Variants in SPAG16 observed in about 807,000 individuals in gnomAD.
SPAG16 encodes the protein sperm-associated antigen 16 protein.
Under a neutral mutation model 80.4 loss-of-function variants are expected in SPAG16, and 86 were observed. That is an observed-to-expected ratio of 1.07 (90% CI 0.90 to 1.28). SPAG16 has a LOEUF of 1.28. Among genes scored for constraint, SPAG16 ranks in the 50% most tolerant of loss-of-function variants. The pLI, the probability that SPAG16 is intolerant of heterozygous loss-of-function variation, is 0.00. For synonymous variants in SPAG16, 294 were observed against 265.9 expected (o/e 1.11, Z -1.03); for missense variants, 870 against 765.3 (o/e 1.14, Z -1.61).
intron 14 of SPAG16, among the ~76,000 whole-genome samples, chr2:214,132,460 C>T (rs141655094): frequency 6.6e-6 from 1 of 152,176 alleles, no homozygotes; most frequent in East Asian, 1.9e-4. Flanking sequence ...TACTCAGTAG[C>T]CACATGTATT....
intron 9 of SPAG16, among the ~76,000 whole-genome samples, chr2:213,432,729 G>C (rs1040695590): frequency 6.6e-6 from 1 of 152,056 alleles, no homozygotes; most frequent in African/African-American, 2.4e-5. Flanking sequence ...GAGGTGGTGG[G>C]AATCTTTCAT....
intron 10 of SPAG16, among the ~76,000 whole-genome samples, chr2:213,848,531 C>T (rs774404121): frequency 2.6e-5 from 4 of 152,144 alleles, no homozygotes; most frequent in Admixed American, 1.3e-4. Context: ...CTGAATTGGC[C>T]GCCCAATCCT....
intron 10 of SPAG16, among the ~76,000 whole-genome samples, chr2:213,615,655 A>G (rs187441278): frequency 6.6e-6 from 1 of 152,336 alleles, no homozygotes; most frequent in East Asian, 1.9e-4. Context: ...TGTAGACATG[A>G]CAATGTATTA....
intron 13 of SPAG16, among the ~76,000 whole-genome samples, chr2:214,077,689 G>A (rs2051148150): frequency 6.6e-6 from 1 of 152,150 alleles, no homozygotes; most frequent in African/African-American, 2.4e-5. Flanking sequence ...ATGGAATCAG[G>A]CACATTGTGC....
At position 214,136,827 on chromosome 2, in the gene SPAG16, T is replaced by C. The variant is rs190279915; in HGVS notation, c.1594-12313T>C. ...CCTAAGAGACATGCTAATGTATCAGTACTAAAAATGTTTGAAATACTAATT... is the reference window on the plus strand; with the variant it reads ...CCTAAGAGACATGCTAATGTATCAGCACTAAAAATGTTTGAAATACTAATT... On this transcript the variant is annotated intron_variant, in intron 14 of 15. Coordinates refer to ENST00000331683, the MANE Select transcript of SPAG16 (RefSeq NM_024532.5). 2.8e-4 allele frequency among the ~76,000 whole-genome samples: 42 copies of C among 152,332 alleles called. 1 individual carries two copies. Among genetic ancestry groups the C allele is most frequent in the African/African-American group, 9.6e-4 (40 of 41,578 alleles).
At chr2:213,421,409 C>T (rs1186863014) in intron 9 of SPAG16, among the ~76,000 whole-genome samples, 1 of 152,214 alleles carries the variant, frequency 6.6e-6, no homozygotes. Flanking sequence ...TGGCTCAGCT[C>T]AGGTCTGCAG....
intron 13 of SPAG16, among the ~76,000 whole-genome samples, chr2:214,062,607 C>T (rs549386735): frequency 3.9e-4 from 59 of 151,220 alleles, no homozygotes; most frequent in Non-Finnish European, 7.4e-4. Flanking sequence ...CTCTCCAGTT[C>T]CACATCTAAT....
At chr2:214,126,566 G>A (rs944438578) in intron 14 of SPAG16, among the ~76,000 whole-genome samples, 21 of 151,640 alleles carry the variant, frequency 1.4e-4, no homozygotes, top group Admixed American at 1.3e-4. Flanking sequence ...GAATTTATGT[G>A]ACTGTACTTA....
chr2:213,422,106 G>A, intron 9 of SPAG16: 3 of 680,646 alleles, frequency 4.4e-6, no homozygotes, highest in Admixed American at 2.1e-5. Context: ...CCCAAACAGG[G>A]CTGAAATGAC....
intron 11 of SPAG16, among the ~76,000 whole-genome samples, chr2:213,887,971 G>T (rs2076626473): frequency 6.6e-6 from 1 of 151,546 alleles, no homozygotes; most frequent in Non-Finnish European, 1.5e-5. Flanking sequence ...CTTTTAGAAA[G>T]ATAGAGTTAT....
chr2:213,921,223 A>G (rs1575557119), intron 11 of SPAG16, among the ~76,000 whole-genome samples: 1 of 152,180 alleles, frequency 6.6e-6, no homozygotes, highest in Non-Finnish European at 1.5e-5. Flanking sequence ...CTTCTACTTA[A>G]TCAGGTCTTC....
intron 13 of SPAG16, among the ~76,000 whole-genome samples, chr2:214,015,729 A>G (rs1476923850): frequency 6.6e-6 from 1 of 152,060 alleles, no homozygotes; most frequent in Non-Finnish European, 1.5e-5. Flanking sequence ...CCTGGCTGAG[A>G]GCTCAGTTTT....
At chr2:213,680,241 C>T (rs2064309671) in intron 10 of SPAG16, among the ~76,000 whole-genome samples, 1 of 152,112 alleles carries the variant, frequency 6.6e-6, no homozygotes, top group Non-Finnish European at 1.5e-5. Flanking sequence ...AAGAACTCCA[C>T]CTAGTCCCTT....
intron 9 of SPAG16, among the ~76,000 whole-genome samples, chr2:213,438,898 A>G (rs1323985474): frequency 1.3e-5 from 2 of 152,238 alleles, no homozygotes; most frequent in Admixed American, 6.5e-5. Context: ...GTAAACATTT[A>G]TATTGTTAAC....
chr2:214,349,868 GTATC>G (rs1235458046), intron 15 of SPAG16, among the ~76,000 whole-genome samples: 2 of 152,140 alleles, frequency 1.3e-5, no homozygotes, highest in African/African-American at 4.8e-5. Flanking sequence ...GAGCATTTGT[GTATC>G]TATCTTTATG....
At chr2:214,196,257 C>T (rs1466296126) in intron 15 of SPAG16, among the ~76,000 whole-genome samples, 5 of 151,958 alleles carry the variant, frequency 3.3e-5, no homozygotes, top group African/African-American at 4.8e-5. Flanking sequence ...ACTTCTCTAC[C>T]GTTTTCTCCC....
chr2:214,372,201 T>G (rs570948226), intron 15 of SPAG16, among the ~76,000 whole-genome samples: 1 of 152,246 alleles, frequency 6.6e-6, no homozygotes, highest in East Asian at 1.9e-4. Context: ...TATACAAAGG[T>G]GATTAGGGAC....
At chr2:213,704,592 A>C (rs1338732258) in intron 10 of SPAG16, among the ~76,000 whole-genome samples, 1 of 152,182 alleles carries the variant, frequency 6.6e-6, no homozygotes, top group East Asian at 1.9e-4. Flanking sequence ...ATGATTACTT[A>C]TTCATTTTCA....
At chr2:214,369,770 T>A (rs906678946) in intron 15 of SPAG16, among the ~76,000 whole-genome samples, 1 of 152,166 alleles carries the variant, frequency 6.6e-6, no homozygotes, top group East Asian at 1.9e-4. Context: ...AAGAAGTAAC[T>A]TCTTTTCAAG....
Sources: allele counts gnomAD v4.1 joint callset (sites outside exome capture counted in the v4.1 genomes callset), GRCh38; gene constraint gnomAD v4.1.1; transcripts MANE v1.5; gene names NCBI Gene and HGNC (gene_info 2026-07-23, HGNC 2026-07-21).